GRIK1: variants seen among roughly 807,000 people sequenced by gnomAD.
The protein encoded by GRIK1 is glutamate receptor ionotropic, kainate 1.
GRIK1 carries 69 observed loss-of-function variants against 105.7 expected under a neutral mutation model. The ratio of observed to expected loss-of-function variants is 0.65; its 90% CI spans 0.54 to 0.80. GRIK1 has a LOEUF of 0.80. Ranked by LOEUF, GRIK1 falls within the 30% of genes least tolerant of loss-of-function variation. The pLI is 0.00. For missense variants in GRIK1, 1,109 were observed against 1,167.3 expected (o/e 0.95, Z 0.73); for synonymous variants, 438 against 431.3 (o/e 1.02, Z -0.19).
At chr21:29,832,353 G>T (rs963155535) in intron 1 of GRIK1, among the ~76,000 whole-genome samples, 2 of 152,188 alleles carry the variant, frequency 1.3e-5, no homozygotes, top group East Asian at 3.9e-4. Context: ...CCCTGGTGGG[G>T]ACTCTGTGTA....
At chr21:29,586,168 T>A (rs995332121) in intron 12 of GRIK1, among the ~76,000 whole-genome samples, 22 of 152,366 alleles carry the variant, frequency 1.4e-4, no homozygotes, top group South Asian at 8.3e-4. Context: ...TAAGGCATAT[T>A]TAAAGAGAGC....
intron 1 of GRIK1, among the ~76,000 whole-genome samples, chr21:29,792,288 A>C (rs1467205678): frequency 6.6e-6 from 1 of 152,192 alleles, no homozygotes; most frequent in Non-Finnish European, 1.5e-5. Flanking sequence ...TAAAAGAAGA[A>C]AAGGATCCCC....
chr21:29,617,874 G>A (rs1201856365), intron 7 of GRIK1, among the ~76,000 whole-genome samples: 2 of 152,190 alleles, frequency 1.3e-5, no homozygotes, highest in Non-Finnish European at 2.9e-5. Context: ...ATTTGATTTA[G>A]AATATGTTTA....
chr21:29,804,605 G>A (rs573926345), intron 1 of GRIK1, among the ~76,000 whole-genome samples: 16 of 152,204 alleles, frequency 1.1e-4, no homozygotes, highest in African/African-American at 3.6e-4. Flanking sequence ...TGATAGTAGG[G>A]CAAATTATTT....
intron 3 of GRIK1, among the ~76,000 whole-genome samples, chr21:29,683,260 C>T (rs759746060): frequency 1.3e-5 from 2 of 152,132 alleles, no homozygotes; most frequent in Non-Finnish European, 2.9e-5. Flanking sequence ...GCCATTTGGC[C>T]CAGGAATCCC....
chr21:29,867,928 GAGAGAGAA>G lies in GRIK1; in HGVS notation c.118+71447_118+71454del, dbSNP rs1569174555. On this transcript the variant is annotated intron_variant, in intron 1 of 17. Coordinates refer to ENST00000327783, the MANE Select transcript of GRIK1 (RefSeq NM_001330994.2). ...AAAGAAAGAGAGAGAAAGAGAGAAA[GAGAGAGAA>G]AGAGAGAGAGAAAGAGAGAGAAAAT... Among the ~76,000 whole-genome samples the G allele has an allele frequency of 3.1e-5, 4 of 130,424 alleles. No individual in the cohort carries two copies. The Admixed American group carries it at 3.2e-4, about 10-fold the overall frequency. 85.6% of individuals were successfully genotyped at this position (130,424 alleles called of 152,430 possible). A position where few individuals can be genotyped will look rare whatever the true frequency, so the allele number is the denominator to read the frequency against.
chr21:29,900,987 C>T (rs184117497), intron 1 of GRIK1, among the ~76,000 whole-genome samples: 168 of 152,282 alleles, frequency 1.1e-3, no homozygotes, highest in Admixed American at 2.9e-3. Flanking sequence ...AAGAAACTCA[C>T]TCAAAACCAC....
chr21:29,643,564 C>T (rs2062557983), intron 6 of GRIK1, among the ~76,000 whole-genome samples: 1 of 152,202 alleles, frequency 6.6e-6, no homozygotes, highest in African/African-American at 2.4e-5. Flanking sequence ...TTGCTCAGAA[C>T]ATGCCTCCTC....
chr21:29,780,058 A>C (rs1000648655), intron 1 of GRIK1, among the ~76,000 whole-genome samples: 1 of 152,168 alleles, frequency 6.6e-6, no homozygotes, highest in Non-Finnish European at 1.5e-5. Flanking sequence ...AAATTTACTC[A>C]TCTGTAGAAC....
At chr21:29,723,251 G>T (rs544783893) in intron 1 of GRIK1, among the ~76,000 whole-genome samples, 2 of 152,136 alleles carry the variant, frequency 1.3e-5, no homozygotes, top group African/African-American at 4.8e-5. Flanking sequence ...TTTAAAATTT[G>T]AGAATACTGT....
chr21:29,548,794 A>G (rs2090085026), intron 16 of GRIK1, among the ~76,000 whole-genome samples: 1 of 152,200 alleles, frequency 6.6e-6, no homozygotes, highest in South Asian at 2.1e-4. Context: ...TAATCATATG[A>G]TCCAGCTGAT....
chr21:29,727,183 T>G (rs1460912982), intron 1 of GRIK1, among the ~76,000 whole-genome samples: 2 of 152,050 alleles, frequency 1.3e-5, no homozygotes, highest in African/African-American at 4.8e-5. Flanking sequence ...GCCTCAGCCT[T>G]CCAAAGTGCT....
intron 1 of GRIK1, among the ~76,000 whole-genome samples, chr21:29,727,302 T>C (rs1237864716): frequency 6.6e-6 from 1 of 152,180 alleles, no homozygotes; most frequent in Non-Finnish European, 1.5e-5. Flanking sequence ...TCAATTACAA[T>C]GAGAAATTTG....
At chr21:29,557,675 A>G (rs1193970619) in intron 15 of GRIK1, among the ~76,000 whole-genome samples, 1 of 152,228 alleles carries the variant, frequency 6.6e-6, no homozygotes, top group Non-Finnish European at 1.5e-5. Context: ...TATCAAGAGT[A>G]TGAATTTTTG....
Position 29,930,927 on chromosome 21 carries a change from T to C in GRIK1, c.118+8456A>G, listed in dbSNP as rs73898574. 2.9e-3 allele frequency among the ~76,000 whole-genome samples: 438 copies of C among 152,324 alleles called. 3 individuals are homozygous for C. The highest frequency in any genetic ancestry group is 8.8e-3 in the African/African-American group (367 of 41,572). ...CCCTTGATACAGTTGCAGATCTTTA[T>C]GTACTGCAGAGTAGGTAGAAACAGT... On this transcript the variant is annotated intron_variant, in intron 1 of 17. Coordinates refer to ENST00000327783, the MANE Select transcript of GRIK1 (RefSeq NM_001330994.2).
intron 12 of GRIK1, 102 bp downstream of exon 12, chr21:29,587,264 A>C (rs775098315): frequency 1.5e-6 from 1 of 666,256 alleles, no homozygotes; most frequent in African/African-American, 1.8e-5. Context: ...AGGCAAAACT[A>C]AAAGTACACT....
At chr21:29,832,567 G>A (rs2067673285) in intron 1 of GRIK1, among the ~76,000 whole-genome samples, 1 of 152,174 alleles carries the variant, frequency 6.6e-6, no homozygotes, top group African/African-American at 2.4e-5. Context: ...AATCTTATGG[G>A]TTGTACACTC....
At chr21:29,587,007 G>A (rs185037245) in intron 12 of GRIK1, among the ~76,000 whole-genome samples, 4 of 151,880 alleles carry the variant, frequency 2.6e-5, no homozygotes, top group Non-Finnish European at 5.9e-5. Flanking sequence ...AATATTCTAG[G>A]GGTCAAATAT....
intron 1 of GRIK1, among the ~76,000 whole-genome samples, chr21:29,928,956 A>C (rs903701817): frequency 6.6e-6 from 1 of 152,208 alleles, no homozygotes; most frequent in African/African-American, 2.4e-5. Context: ...CAAGGTCCTC[A>C]CTTTGATGTG....
Sources: gnomAD v4.1 joint callset for allele counts (sites outside exome capture counted in the v4.1 genomes callset) on GRCh38, gnomAD v4.1.1 for gene constraint, MANE v1.5 for transcripts, NCBI Gene and HGNC (gene_info 2026-07-23, HGNC 2026-07-21) for gene names.